Variants in ABTB2 observed in about 807,000 individuals in gnomAD.
ABTB2 encodes the protein ankyrin repeat and BTB/POZ domain-containing protein 2.
A neutral mutation model predicts 104.1 loss-of-function variants in ABTB2; 56 were observed. That is an observed-to-expected ratio of 0.54 (90% CI 0.43 to 0.67). ABTB2 has a LOEUF of 0.67. ABTB2 is among the 30% of genes least tolerant of loss of function. The pLI is 0.00. For synonymous variants in ABTB2, 606 were observed against 608.2 expected (o/e 1.00, Z 0.05); for missense variants, 1,279 against 1,407.7 (o/e 0.91, Z 1.46).
chr11:34,318,910 T>C (rs1439711865), intron 1 of ABTB2, among the ~76,000 whole-genome samples: 1 of 152,150 alleles, frequency 6.6e-6, no homozygotes, highest in Admixed American at 6.5e-5. Flanking sequence ...AGAAGTGTCA[T>C]CTCAGGGCTA....
chr11:34,339,783 T>C (rs1855240193), intron 1 of ABTB2, among the ~76,000 whole-genome samples: 1 of 152,218 alleles, frequency 6.6e-6, no homozygotes, highest in Non-Finnish European at 1.5e-5. Context: ...TCATCACTAG[T>C]GGCAGATTTA....
chr11:34,231,363 C>A (rs1853767249), intron 1 of ABTB2, among the ~76,000 whole-genome samples: 1 of 152,062 alleles, frequency 6.6e-6, no homozygotes, highest in Non-Finnish European at 1.5e-5. Context: ...TAGATACCAC[C>A]CTCCCCCAGG....
intron 1 of ABTB2, among the ~76,000 whole-genome samples, chr11:34,227,672 T>G (rs1163478603): frequency 2.0e-5 from 3 of 152,232 alleles, no homozygotes; most frequent in African/African-American, 7.2e-5. Flanking sequence ...TACATTTTCA[T>G]TTATCTTGGT....
At chr11:34,328,914 AATT>A (rs1855099861) in intron 1 of ABTB2, among the ~76,000 whole-genome samples, 1 of 152,228 alleles carries the variant, frequency 6.6e-6, no homozygotes, top group Non-Finnish European at 1.5e-5. Context: ...TTTCAATAAT[AATT>A]GTCAACACTC....
chr11:34,270,124 T>C (rs1463833088), intron 1 of ABTB2, among the ~76,000 whole-genome samples: 1 of 152,140 alleles, frequency 6.6e-6, no homozygotes, highest in Non-Finnish European at 1.5e-5. Context: ...CAGCATGTAG[T>C]TCCCCCAATG....
intron 3 of ABTB2, among the ~76,000 whole-genome samples, chr11:34,197,004 T>C (rs1448031419): frequency 6.6e-6 from 1 of 152,182 alleles, no homozygotes; most frequent in African/African-American, 2.4e-5. Context: ...TAGGTGGGTG[T>C]GACTATCTCA....
intron 3 of ABTB2, among the ~76,000 whole-genome samples, chr11:34,190,214 T>C (rs928059805): frequency 1.5e-4 from 22 of 149,772 alleles, no homozygotes; most frequent in Admixed American, 4.7e-4. Flanking sequence ...CACTCCAGCC[T>C]GGGTAACAGA....
At chr11:34,200,474 T>C (rs949097886) in intron 2 of ABTB2, among the ~76,000 whole-genome samples, 1 of 152,024 alleles carries the variant, frequency 6.6e-6, no homozygotes, top group African/African-American at 2.4e-5. Flanking sequence ...CCTGCTATGG[T>C]CAGTTTCTCT....
At chr11:34,161,961 T>C (rs981818800) in intron 10 of ABTB2, among the ~76,000 whole-genome samples, 1 of 152,114 alleles carries the variant, frequency 6.6e-6, no homozygotes, top group African/African-American at 2.4e-5. Flanking sequence ...GTGATGACAG[T>C]GACGGTGCTG....
At chr11:34,282,572 G>T (rs982874497) in intron 1 of ABTB2, among the ~76,000 whole-genome samples, 1 of 151,846 alleles carries the variant, frequency 6.6e-6, no homozygotes, top group Non-Finnish European at 1.5e-5. Flanking sequence ...TGTTGCCCAG[G>T]CTGGAGTGCA....
chr11:34,172,416 A>C (rs61880408), intron 4 of ABTB2, among the ~76,000 whole-genome samples: 2 of 63,348 alleles, frequency 3.2e-5, no homozygotes, highest in Non-Finnish European at 6.7e-5. Context: ...ATATATATAT[A>C]TATGTGTGTG....
At position 34,159,969 on chromosome 11, in the gene ABTB2, G is replaced by T. The variant is rs911570188; in HGVS notation, c.2543C>A (p.Thr848Asn). 1 of 1,613,966 alleles carries T rather than the reference G, an allele frequency of 6.2e-7. No homozygotes were observed. The highest frequency in any genetic ancestry group is 8.5e-7 in the Non-Finnish European group (1 of 1,179,968). The part of the protein sequence containing the change: ...FLNNKEMSDV[T>N]FLVEGKLFYA... ...AAACAGCTTTCCTTCCACCAGGAAG[G>T]TCACATCTGACATCTCCTTATTGTT... The change falls in exon 13 of 17, where the codon ACC becomes AAC. Residue 848 changes from threonine (T) to asparagine (N), a missense_variant. Coordinates refer to ENST00000435224, the MANE Select transcript of ABTB2 (RefSeq NM_145804.3).
At chr11:34,160,809 T>G in intron 11 of ABTB2, 94 bp downstream of exon 11, 3 of 1,374,548 alleles carry the variant, frequency 2.2e-6, no homozygotes, top group Non-Finnish European at 3.0e-6. Context: ...GGGGTCCCTG[T>G]GTCTGTCCAC....
At chr11:34,227,337 A>G (rs1853701664) in intron 1 of ABTB2, among the ~76,000 whole-genome samples, 1 of 151,746 alleles carries the variant, frequency 6.6e-6, no homozygotes, top group South Asian at 2.1e-4. Context: ...GTCTCTCCCC[A>G]TTATCCATTT....
chr11:34,317,706 G>A (rs1364357313), intron 1 of ABTB2, among the ~76,000 whole-genome samples: 7 of 144,032 alleles, frequency 4.9e-5, no homozygotes, highest in Admixed American at 4.4e-4. Context: ...AGGTTGCAGT[G>A]CACCAAGATG....
intron 1 of ABTB2, among the ~76,000 whole-genome samples, chr11:34,229,121 G>GA (rs370579783): frequency 0.021 from 2,147 of 103,772 alleles, 96 homozygotes; most frequent in African/African-American, 0.072. Context: ...CTCCGTCTTG[G>GA]AAAAAAAAAA....
At chr11:34,241,992 A>T (rs1853924139) in intron 1 of ABTB2, among the ~76,000 whole-genome samples, 2 of 152,244 alleles carry the variant, frequency 1.3e-5, no homozygotes. Context: ...TGTTTGCTTC[A>T]ACAAATGAAA....
chr11:34,205,553 A>T (rs1853398884), intron 1 of ABTB2, among the ~76,000 whole-genome samples: 1 of 152,056 alleles, frequency 6.6e-6, no homozygotes, highest in Middle Eastern at 3.2e-3. Context: ...TTTGGTAACC[A>T]CTGTTTCTTT....
rs1854064322 is a variant in ABTB2 at position 34,252,201 on chromosome 11, C to G, written c.884-47511G>C. 6.6e-6 allele frequency among the ~76,000 whole-genome samples: 1 copy of G among 152,202 alleles called. No individual in the cohort carries two copies. On this transcript the variant is annotated intron_variant, in intron 1 of 16. Coordinates refer to ENST00000435224, the MANE Select transcript of ABTB2 (RefSeq NM_145804.3). This position sits in a 1 kb window ranked among gnomAD's most constrained non-coding sequence, Gnocchi z 5.5. The stretch of plus-strand genomic sequence containing the variant: ...CATGAGCCCCCACACCAGAGCTGGC[C>G]AGAGCCCCACGACTCCATGCCTGGG...
Sources: allele counts gnomAD v4.1 joint callset (sites outside exome capture counted in the v4.1 genomes callset), GRCh38; gene constraint gnomAD v4.1.1; non-coding constraint Gnocchi (gnomAD v3.1); transcripts MANE v1.5; gene names NCBI Gene and HGNC (gene_info 2026-07-23, HGNC 2026-07-21).